FRMPD1: variants seen among roughly 807,000 people sequenced by gnomAD.
FRMPD1 encodes FERM and PDZ domain containing 1, also known as FERM and PDZ domain-containing protein 1.
Under a neutral mutation model 117.8 loss-of-function variants are expected in FRMPD1, and 76 were observed. The ratio of observed to expected loss-of-function variants is 0.65; its 90% CI spans 0.54 to 0.78. The LOEUF is 0.78. Ranked by LOEUF, FRMPD1 falls within the 30% of genes least tolerant of loss-of-function variation. FRMPD1 has a pLI of 0.00. For synonymous variants in FRMPD1, 783 were observed against 770.4 expected (o/e 1.02, Z -0.27); for missense variants, 1,786 against 1,964.5 (o/e 0.91, Z 1.72).
intron 1 of FRMPD1, among the ~76,000 whole-genome samples, chr9:37,678,447 G>A (rs1285098480): frequency 6.6e-6 from 1 of 151,850 alleles, no homozygotes; most frequent in Non-Finnish European, 1.5e-5. Flanking sequence ...TTTTAGTAGA[G>A]ATGGGGTTTC....
At chr9:37,701,519 G>A (rs1441680366) in intron 2 of FRMPD1, among the ~76,000 whole-genome samples, 6 of 71,744 alleles carry the variant, frequency 8.4e-5, no homozygotes, top group Non-Finnish European at 1.8e-4. Flanking sequence ...ACGTGTGTGT[G>A]TGTGTGTGTG....
At chr9:37,659,016 C>T (rs892561058) in intron 1 of FRMPD1, among the ~76,000 whole-genome samples, 1 of 152,124 alleles carries the variant, frequency 6.6e-6, no homozygotes, top group Non-Finnish European at 1.5e-5. Context: ...TAGGCGCACA[C>T]CAACTGGCTA....
chr9:37,732,726 G>A lies in FRMPD1; in HGVS notation c.995+286G>A, dbSNP rs75159047. Among the ~76,000 whole-genome samples the A allele has an allele frequency of 9.2e-5, 14 of 152,356 alleles. No individual in the cohort carries two copies. In the East Asian group the frequency reaches 2.1e-3, roughly 23 times the overall value. ...CTTGGGAAATCAGTTGCCAGCATCAGTGTTAAGCTTTTCTAGGGGTGGGAA... is the reference window on the plus strand; with the variant it reads ...CTTGGGAAATCAGTTGCCAGCATCAATGTTAAGCTTTTCTAGGGGTGGGAA... On this transcript the variant is annotated intron_variant, in intron 10 of 15. Coordinates refer to ENST00000377765, the MANE Select transcript of FRMPD1 (RefSeq NM_014907.3).
intron 1 of FRMPD1, among the ~76,000 whole-genome samples, chr9:37,685,463 G>A (rs1480493812): frequency 6.6e-6 from 1 of 151,344 alleles, no homozygotes; most frequent in Non-Finnish European, 1.5e-5. Flanking sequence ...CTAACACGGT[G>A]AAACCCTGTC....
rs78896005 is a variant in FRMPD1, at chr9:37,733,839, A to C, written c.1218+14A>C. 1,500 of 1,371,748 alleles carry C rather than the reference A, an allele frequency of 1.1e-3. 19 individuals carry two copies. In the African/African-American group the frequency reaches 0.019, roughly 17 times the overall value. 85.0% of individuals were successfully genotyped at this position (1,371,748 alleles called of 1,614,324 possible). ...GCTACTTTAATGGTATGTATTAGAG[A>C]ACTGTGAAATCCTACTCACGTAAGG... On this transcript the variant is annotated intron_variant, in intron 12 of 15. Transcript: ENST00000377765.
chr9:37,738,723 C>T (rs888712743), intron 14 of FRMPD1, among the ~76,000 whole-genome samples: 1 of 152,170 alleles, frequency 6.6e-6, no homozygotes, highest in African/African-American at 2.4e-5. Context: ...AGAGTGGCAA[C>T]AGGGCTGTTG....
At chr9:37,611,923 C>T in the FRMPD1 span, among the ~76,000 whole-genome samples, 3 of 152,132 alleles carry the variant, frequency 2.0e-5, no homozygotes, top group Non-Finnish European at 2.9e-5. Flanking sequence ...AAGTGATTCT[C>T]TCAGCCTAGG....
At position 37,733,536 on chromosome 9, in the gene FRMPD1, C is replaced by T. The variant is rs768873921; in HGVS notation, c.1059C>T (p.Asp353=). 1.9e-6 allele frequency: 3 copies of T among 1,613,526 alleles called. No individual in the cohort carries two copies. Among genetic ancestry groups the T allele is most frequent in the Non-Finnish European group, 2.5e-6 (3 of 1,179,462 alleles). The stretch of plus-strand genomic sequence containing the variant: ...TACTCCGAAACATGAAAGGCAAAGA[C>T]ATCAAGAAAGCCATTAGCTTCCACA... ...PTLLRNMKGK[D]IKKAISFHMK... The change falls in exon 11 of 16, where the codon GAC becomes GAT. Residue 353 remains aspartate, a synonymous_variant. Transcript: ENST00000377765.
At chr9:37,667,155 C>T (rs1235078701) in intron 1 of FRMPD1, among the ~76,000 whole-genome samples, 1 of 149,108 alleles carries the variant, frequency 6.7e-6, no homozygotes, top group Non-Finnish European at 1.5e-5. Context: ...CTGCTGCTCC[C>T]CCAGGCTCAA....
chr9:37,746,693 T>C lies in FRMPD1; in HGVS notation c.4661T>C (p.Leu1554Pro), dbSNP rs1824742281. 10 of 1,614,086 alleles carry C rather than the reference T, an allele frequency of 6.2e-6. No homozygotes were observed. The highest frequency in any genetic ancestry group is 8.5e-6 in the Non-Finnish European group (10 of 1,180,040). The change falls in exon 16 of 16, where the codon CTG becomes CCG. Residue 1554 changes from leucine (L) to proline (P), a missense_variant. Coordinates refer to ENST00000377765, the MANE Select transcript of FRMPD1 (RefSeq NM_014907.3). ...RGYHDLSVKL[L>P]ARQCTALTAA... ...TACCACGACCTGAGTGTGAAACTCC[T>C]GGCCCGTCAGTGCACGGCCCTCACG... is the stretch of plus-strand genomic sequence containing the variant.
At chr9:37,644,124 G>T in the FRMPD1 span, among the ~76,000 whole-genome samples, 1 of 152,328 alleles carries the variant, frequency 6.6e-6, no homozygotes, top group East Asian at 1.9e-4. Context: ...TGTGGGCTAG[G>T]TGTGACCCTG....
intron 1 of FRMPD1, among the ~76,000 whole-genome samples, chr9:37,685,531 A>G (rs1282100544): frequency 6.6e-6 from 1 of 151,644 alleles, no homozygotes; most frequent in Non-Finnish European, 1.5e-5. Flanking sequence ...GGGCGCCTGT[A>G]GTCCCAGCTA....
Position 37,729,382 on chromosome 9 carries a change from CAAAAAAAAAAAAAAAA to C in FRMPD1, c.613-334_613-319del, listed in dbSNP as rs60967717. Among the ~76,000 whole-genome samples, 39 of 54,724 alleles carry C rather than the reference CAAAAAAAAAAAAAAAA, an allele frequency of 7.1e-4. 1 individual carries two copies. Among genetic ancestry groups the C allele is most frequent in the African/African-American group, 3.5e-3 (39 of 11,008 alleles). The allele number at this position is 54,724 out of a possible 152,430, so 35.9% of individuals were successfully genotyped here. ...TGGGTGACAGCCTGGGAGACCCTCTCAAAAAAAAAAAAAAAAAAAAAAAAAAAGATAGAGACTGGGA... is the reference window on the plus strand; with the variant it reads ...TGGGTGACAGCCTGGGAGACCCTCTCAAAAAAAAAAAGATAGAGACTGGGA... On this transcript the variant is annotated intron_variant, in intron 7 of 15. Transcript: ENST00000377765.
chr9:37,715,140 T>G (rs1823065952), intron 5 of FRMPD1, among the ~76,000 whole-genome samples: 1 of 152,194 alleles, frequency 6.6e-6, no homozygotes, highest in Admixed American at 6.5e-5. Flanking sequence ...CTGGTTTAAA[T>G]TTGTAGATCT....
chr9:37,721,360 T>C (rs1823391339), intron 6 of FRMPD1, among the ~76,000 whole-genome samples: 1 of 152,234 alleles, frequency 6.6e-6, no homozygotes, highest in Non-Finnish European at 1.5e-5. Context: ...AAGACTGCCT[T>C]AGATACACAA....
chr9:37,675,352 T>C (rs748112884), intron 1 of FRMPD1, among the ~76,000 whole-genome samples: 1 of 149,632 alleles, frequency 6.7e-6, no homozygotes, highest in Admixed American at 6.7e-5. Context: ...AACTGGGAGA[T>C]GGAGGTTGCG....
At chr9:37,668,250 A>T (rs1303467596) in intron 1 of FRMPD1, 1 of 152,182 alleles carries the variant, frequency 6.6e-6, no homozygotes. Context: ...CTGAAAGGAG[A>T]GAAGCCAGAC....
At chr9:37,643,127 T>G in the FRMPD1 span, among the ~76,000 whole-genome samples, 3 of 152,214 alleles carry the variant, frequency 2.0e-5, no homozygotes, top group Non-Finnish European at 4.4e-5. Context: ...GTTCTAGGTG[T>G]GTGTTTTAAA....
At chr9:37,730,438 C>T (rs1370382643) in intron 8 of FRMPD1, among the ~76,000 whole-genome samples, 2 of 152,176 alleles carry the variant, frequency 1.3e-5, no homozygotes, top group Non-Finnish European at 2.9e-5. Flanking sequence ...ATGAGTAATA[C>T]ATAACCTCAT....
Sources: gnomAD v4.1 joint callset for allele counts (sites outside exome capture counted in the v4.1 genomes callset) on GRCh38, gnomAD v4.1.1 for gene constraint, MANE v1.5 for transcripts, NCBI Gene and HGNC (gene_info 2026-07-23, HGNC 2026-07-21) for gene names.